The following SORBS2 variants were observed in gnomAD, a reference collection of about 807,000 sequenced individuals.
The protein encoded by SORBS2 is sorbin and SH3 domain-containing protein 2.
In SORBS2, 46 loss-of-function variants were observed where a neutral mutation model predicts 97.7. The observed-to-expected ratio is 0.47, with a 90% confidence interval of 0.37 to 0.60. SORBS2 has a LOEUF of 0.60. SORBS2 is among the 20% of genes least tolerant of loss of function. SORBS2 has a pLI of 0.00. For synonymous variants in SORBS2, 476 were observed against 473.4 expected (o/e 1.01, Z -0.07); for missense variants, 1,316 against 1,282.3 (o/e 1.03, Z -0.40).
chr4:185,686,042 T>C (rs768342903), intron 2 of SORBS2, among the ~76,000 whole-genome samples: 1 of 152,216 alleles, frequency 6.6e-6, no homozygotes, highest in Non-Finnish European at 1.5e-5. Flanking sequence ...TAATATGGCA[T>C]GGCAATAAAT....
intron 12 of SORBS2, among the ~76,000 whole-genome samples, chr4:185,611,273 G>A (rs2096533576): frequency 6.6e-6 from 1 of 151,792 alleles, no homozygotes; most frequent in South Asian, 2.1e-4. Flanking sequence ...TAATAACCCG[G>A]TGTTCTTGTG....
chr4:185,695,674 T>C (rs1221926124), intron 2 of SORBS2, among the ~76,000 whole-genome samples: 1 of 152,196 alleles, frequency 6.6e-6, no homozygotes, highest in Non-Finnish European at 1.5e-5. Context: ...AATGCATCTC[T>C]CTCTATCTCT....
At chr4:185,779,015 C>G (rs111534126) in intron 1 of SORBS2, among the ~76,000 whole-genome samples, 7 of 152,270 alleles carry the variant, frequency 4.6e-5, no homozygotes, top group African/African-American at 1.4e-4. Flanking sequence ...GGCACCTGAG[C>G]GTTGTGTGTT....
At chr4:185,651,016 G>T (rs987686054) in intron 2 of SORBS2, among the ~76,000 whole-genome samples, 2 of 152,146 alleles carry the variant, frequency 1.3e-5, no homozygotes, top group Admixed American at 6.5e-5. Context: ...AAGTGAGGTT[G>T]CAGCTGCTGA....
At chr4:185,624,558 G>C in intron 6 of SORBS2, 64 bp from the exon 19 acceptor site, 1 of 1,495,280 alleles carries the variant, frequency 6.7e-7, no homozygotes, top group Non-Finnish European at 8.9e-7. Flanking sequence ...TTCACAAAGA[G>C]AGGAGAGCAT....
chr4:185,750,717 T>C (rs2098793475), intron 2 of SORBS2, among the ~76,000 whole-genome samples: 1 of 152,216 alleles, frequency 6.6e-6, no homozygotes, highest in Non-Finnish European at 1.5e-5. Context: ...AATAAAATGC[T>C]CCCTTTGGTG....
chr4:185,932,722 C>T (rs946958484), intron 1 of SORBS2, among the ~76,000 whole-genome samples: 20 of 137,054 alleles, frequency 1.5e-4, no homozygotes, highest in African/African-American at 4.7e-4. Flanking sequence ...TGGCCTAAAG[C>T]GGATGAGCCC....
chr4:185,876,783 T>A (rs760715055), intron 1 of SORBS2, among the ~76,000 whole-genome samples: 1 of 152,190 alleles, frequency 6.6e-6, no homozygotes, highest in Non-Finnish European at 1.5e-5. Flanking sequence ...ATGCACATAA[T>A]AATTCAGTTA....
chr4:185,833,295 A>G (rs1482035300), intron 1 of SORBS2, among the ~76,000 whole-genome samples: 6 of 152,220 alleles, frequency 3.9e-5, no homozygotes, highest in Non-Finnish European at 8.8e-5. Flanking sequence ...CATTCCTTTC[A>G]TGGGAGGTCA....
chr4:185,739,017 A>G (rs1216943007), intron 2 of SORBS2, among the ~76,000 whole-genome samples: 1 of 152,242 alleles, frequency 6.6e-6, no homozygotes, highest in Non-Finnish European at 1.5e-5. Flanking sequence ...CAAGAACTCT[A>G]GCATCAAAAA....
At position 185,725,129 on chromosome 4, in the gene SORBS2, A is replaced by C. The variant is rs576015488; in HGVS notation, c.-197-46307T>G. On this transcript the variant is annotated intron_variant, in intron 2 of 20. Coordinates refer to the SORBS2 transcript ENST00000284776. ...AAATCTTTGACTAGTTCAAAAAGGG[A>C]TTTAGGCAGATCTATTTTTGAGCAT... is the stretch of plus-strand genomic sequence containing the variant. Among the ~76,000 whole-genome samples, 48 of 152,278 alleles carry C rather than the reference A, an allele frequency of 3.2e-4. No individual in the cohort carries two copies. The South Asian group carries it at 6.2e-3, about 20-fold the overall frequency.
intron 2 of SORBS2, among the ~76,000 whole-genome samples, chr4:185,732,274 G>C (rs1267752446): frequency 1.3e-5 from 2 of 152,186 alleles, no homozygotes; most frequent in Admixed American, 6.5e-5. Context: ...TCCCTTGGAA[G>C]ATAATCTCAA....
At chr4:185,952,621 A>C (rs2099277743) in intron 1 of SORBS2, among the ~76,000 whole-genome samples, 1 of 152,218 alleles carries the variant, frequency 6.6e-6, no homozygotes, top group African/African-American at 2.4e-5. Flanking sequence ...AGGGTTGCAC[A>C]AATCTGAAAA....
Position 185,655,778 on chromosome 4 carries a change from A to G in SORBS2, c.24+837T>C, listed in dbSNP as rs541889076. Among the ~76,000 whole-genome samples, 806 of 152,362 alleles carry G rather than the reference A, an allele frequency of 5.3e-3. 4 individuals carry two copies. The highest frequency in any genetic ancestry group is 8.5e-3 in the Non-Finnish European group (577 of 68,034). ...TTTTTCCTTTTGAAACTAACCAGGC[A>G]AAGTCTGGTTAGTTAAGGAAATTAT... On this transcript the variant is annotated intron_variant, in intron 1 of 14. Transcript: ENST00000418609.
At chr4:185,920,397 T>G (rs996544744) in intron 1 of SORBS2, among the ~76,000 whole-genome samples, 5 of 152,204 alleles carry the variant, frequency 3.3e-5, no homozygotes, top group Non-Finnish European at 7.3e-5. Flanking sequence ...CTCCTCTGGC[T>G]GTAACTGGAG....
intron 1 of SORBS2, among the ~76,000 whole-genome samples, chr4:185,902,280 T>A (rs1051581745): frequency 6.6e-6 from 1 of 152,126 alleles, no homozygotes; most frequent in Admixed American, 6.5e-5. Flanking sequence ...ATGACAATTT[T>A]AAATTTTTTA....
intron 1 of SORBS2, among the ~76,000 whole-genome samples, chr4:185,777,949 ATGT>A (rs1316841300): frequency 6.6e-6 from 1 of 152,184 alleles, no homozygotes; most frequent in African/African-American, 2.4e-5. Flanking sequence ...AAATAGATTA[ATGT>A]TGTCTCTTCC....
At chr4:185,845,268 C>A (rs917049004) in intron 1 of SORBS2, among the ~76,000 whole-genome samples, 3 of 152,168 alleles carry the variant, frequency 2.0e-5, no homozygotes, top group Admixed American at 2.0e-4. Flanking sequence ...GATCCTCCCA[C>A]CTTGGCCTCC....
At chr4:185,871,105 G>A (rs983170950) in intron 1 of SORBS2, among the ~76,000 whole-genome samples, 3 of 152,132 alleles carry the variant, frequency 2.0e-5, no homozygotes, top group Admixed American at 6.5e-5. Flanking sequence ...CTATTCCCCT[G>A]TAATCAAAAC....
Sources: gnomAD v4.1 joint callset for allele counts (sites outside exome capture counted in the v4.1 genomes callset) on GRCh38, gnomAD v4.1.1 for gene constraint, MANE v1.5 for transcripts, NCBI Gene and HGNC (gene_info 2026-07-23, HGNC 2026-07-21) for gene names.